Variants in FBXO46 observed in about 807,000 individuals in gnomAD.
FBXO46 encodes the protein F-box protein 46.
A neutral mutation model predicts 30.7 loss-of-function variants in FBXO46; 13 were observed. The ratio of observed to expected loss-of-function variants is 0.42; its 90% CI spans 0.28 to 0.67. The LOEUF (loss-of-function observed/expected upper bound fraction) is 0.67. Ranked by LOEUF, FBXO46 falls within the 30% of genes least tolerant of loss-of-function variation. FBXO46 has a pLI of 0.21. For missense variants in FBXO46, 754 were observed against 871.5 expected (o/e 0.87, Z 1.70); for synonymous variants, 467 against 385.8 (o/e 1.21, Z -2.47).
chr19:45,717,634 G>T (rs1172156373), intron 1 of FBXO46, among the ~76,000 whole-genome samples: 4 of 152,206 alleles, frequency 2.6e-5, no homozygotes, highest in African/African-American at 4.8e-5. Context: ...CACTCCAGGG[G>T]AGGCTTATTA....
intron 1 of FBXO46, among the ~76,000 whole-genome samples, chr19:45,727,854 T>C (rs58879121): frequency 1.2e-3 from 181 of 152,192 alleles, no homozygotes; most frequent in African/African-American, 4.2e-3. Flanking sequence ...TAGTTAGAAA[T>C]ATTTTCTCTT....
intron 1 of FBXO46, chr19:45,716,824 G>A (rs953109527): frequency 6.6e-6 from 1 of 152,188 alleles, no homozygotes; most frequent in Non-Finnish European, 1.5e-5. Context: ...CGGTCCCTAG[G>A]AAGCAGGTAG....
At chr19:45,728,350 G>T (rs1265721547) in intron 1 of FBXO46, among the ~76,000 whole-genome samples, 1 of 152,146 alleles carries the variant, frequency 6.6e-6, no homozygotes, top group Non-Finnish European at 1.5e-5. Context: ...CTTCCCTCTT[G>T]GTTCCTCTCT....
chr19:45,731,717 AG>A (rs1968316485), upstream of FBXO46, among the ~76,000 whole-genome samples: 1 of 152,124 alleles, frequency 6.6e-6, no homozygotes, highest in South Asian at 2.1e-4. Flanking sequence ...ATAGAATAGC[AG>A]CTCCACATCG....
At chr19:45,728,664 G>C (rs965405346) in intron 1 of FBXO46, among the ~76,000 whole-genome samples, 1 of 151,702 alleles carries the variant, frequency 6.6e-6, no homozygotes, top group South Asian at 2.1e-4. Flanking sequence ...AGTAAGACCC[G>C]CGTCTCTACA....
upstream of FBXO46, among the ~76,000 whole-genome samples, chr19:45,731,317 CTTT>C (rs58872737): frequency 6.9e-5 from 9 of 130,016 alleles, no homozygotes; most frequent in Non-Finnish European, 6.5e-5. Flanking sequence ...CCATCCCCTT[CTTT>C]TTTTTTTTTT....
In FBXO46 at chr19:45,712,320, A is replaced by G. The variant is rs772550636; in HGVS notation, c.1176T>C (p.Thr392=). Residue 392 remains threonine, a synonymous_variant, in exon 2 of 2, where the codon ACT becomes ACC. Transcript: ENST00000317683. The surrounding 1 kb of genome is among the most constrained non-coding windows in gnomAD (Gnocchi z 8.8). ...CCTCCGGGCTGACCGTCAGGCACAC[A>G]GTCTCCTCCTTCACGTTCTTGGTGC... The part of the protein sequence containing the change: ...KDGTKNVKEE[T]VCLTVSPEEP... 2 of 1,601,648 alleles carry G rather than the reference A, an allele frequency of 1.2e-6. No homozygotes were observed. The highest frequency in any genetic ancestry group is 1.7e-6 in the Non-Finnish European group (2 of 1,179,614).
chr19:45,732,851 C>G (rs1294931582), upstream of FBXO46, among the ~76,000 whole-genome samples: 1 of 151,962 alleles, frequency 6.6e-6, no homozygotes, highest in East Asian at 1.9e-4. Flanking sequence ...CTCGTCCTCC[C>G]AAGAAGGCCC....
chr19:45,726,873 C>A (rs998898087), intron 1 of FBXO46, among the ~76,000 whole-genome samples: 2 of 152,122 alleles, frequency 1.3e-5, no homozygotes, highest in Admixed American at 6.6e-5. Context: ...ATAATACACC[C>A]CAGGCATTTT....
chr19:45,723,653 C>T (rs1449974552), intron 1 of FBXO46, among the ~76,000 whole-genome samples: 1 of 151,844 alleles, frequency 6.6e-6, no homozygotes, highest in African/African-American at 2.4e-5. Context: ...GCCGCCAAGC[C>T]CAACTAATTC....
At chr19:45,722,102 T>A (rs1968180245) in intron 1 of FBXO46, among the ~76,000 whole-genome samples, 1 of 152,100 alleles carries the variant, frequency 6.6e-6, no homozygotes, top group Non-Finnish European at 1.5e-5. Context: ...ACAGGCATGA[T>A]GCACCGCGCC....
At chr19:45,720,360 G>A (rs760305425) in intron 1 of FBXO46, among the ~76,000 whole-genome samples, 19 of 152,246 alleles carry the variant, frequency 1.2e-4, no homozygotes, top group Non-Finnish European at 2.1e-4. Context: ...TCGAACTCCT[G>A]ACCTCAGGTG....
In FBXO46 at chr19:45,712,025, G is replaced by T; in HGVS notation, c.1471C>A (p.Arg491Ser). Reference sequence around the variant, plus strand: ...GTGCACTTGAGGGCGGCCAGCGCGCGCGTGGGCAGGAAGCTGAAGATCTTG... The same window carrying T: ...GTGCACTTGAGGGCGGCCAGCGCGCTCGTGGGCAGGAAGCTGAAGATCTTG... ...LVKIFSFLPT[R>S]ALAALKCTCH... The change falls in exon 2 of 2, where the codon CGC becomes AGC. Residue 491 changes from arginine (R) to serine (S), a missense_variant. Around this residue, in one of 5 missense-constraint regions of FBXO46, gnomAD observed 162 missense variants for 258.7 expected, o/e 0.63. Transcript: ENST00000317683. The surrounding 1 kb of genome is among the most constrained non-coding windows in gnomAD (Gnocchi z 8.8). 2 of 1,612,404 alleles carry T rather than the reference G, an allele frequency of 1.2e-6. No individual in the cohort carries two copies.
intron 1 of FBXO46, among the ~76,000 whole-genome samples, chr19:45,721,034 A>G (rs1360482087): frequency 1.3e-5 from 2 of 151,524 alleles, no homozygotes; most frequent in African/African-American, 4.8e-5. Flanking sequence ...AAGCGGGGAA[A>G]AAAACAACAG....
Position 45,711,290 on chromosome 19 carries a change from T to G in FBXO46, c.*394A>C. 2 of 434,192 alleles carry G rather than the reference T, an allele frequency of 4.6e-6. No individual in the cohort carries two copies. The highest frequency in any genetic ancestry group is 8.9e-6 in the Non-Finnish European group (2 of 225,436). 26.9% of individuals were successfully genotyped at this position (434,192 alleles called of 1,614,324 possible). On this transcript the variant is annotated 3_prime_UTR_variant, in exon 2 of 2. Coordinates refer to ENST00000317683, the MANE Select transcript of FBXO46 (RefSeq NM_001080469.2). The stretch of plus-strand genomic sequence containing the variant: ...AAATAACAGCTCCAGCGAGAAAGAA[T>G]TGGGGTGAGGGAGAGGATGGGGGCC...
intron 1 of FBXO46, among the ~76,000 whole-genome samples, chr19:45,730,242 T>C (rs1309415357): frequency 6.6e-6 from 1 of 152,090 alleles, no homozygotes; most frequent in African/African-American, 2.4e-5. Flanking sequence ...CGTATTATCC[T>C]ACAGTTCTGT....
rs567884955 is a variant in FBXO46, at chr19:45,713,699, G to A, written c.-78-126C>T. 2.2e-5 allele frequency: 11 copies of A among 495,796 alleles called. No individual in the cohort carries two copies. Among genetic ancestry groups the A allele is most frequent in the Admixed American group, 1.1e-4 (3 of 27,240 alleles). 30.7% of individuals were successfully genotyped at this position (495,796 alleles called of 1,614,324 possible). A position where few individuals can be genotyped will look rare whatever the true frequency, so the allele number is the denominator to read the frequency against. On this transcript the variant is annotated intron_variant, in intron 1 of 1. Transcript: ENST00000317683. The surrounding 1 kb of genome is among the most constrained non-coding windows in gnomAD (Gnocchi z 4.7). ...AACTCTATTCCTGGCTGGGCGCGGT[G>A]GCTCACGCCTGTAATCCCAGCACTT...
At chr19:45,726,787 G>A (rs972334573) in intron 1 of FBXO46, among the ~76,000 whole-genome samples, 8 of 152,106 alleles carry the variant, frequency 5.3e-5, no homozygotes, top group African/African-American at 1.2e-4. Flanking sequence ...TTATAAGCAT[G>A]AGCCACCTTG....
rs538446032 is a variant in FBXO46, at chr19:45,728,972, G to A, written c.-79+1877C>T. 1.2e-4 allele frequency among the ~76,000 whole-genome samples: 18 copies of A among 151,992 alleles called. No homozygotes were observed. In the South Asian group the frequency reaches 2.1e-3, roughly 18 times the overall value. ...ACTAAAAATACAAAATTAACCAGAC[G>A]TGGTGGCGCATGCCTGCAATCTCAG... On this transcript the variant is annotated intron_variant, in intron 1 of 1. Transcript: ENST00000317683.
Sources: allele counts gnomAD v4.1 joint callset (sites outside exome capture counted in the v4.1 genomes callset), GRCh38; gene constraint gnomAD v4.1.1; regional missense constraint gnomAD v4.1.1; non-coding constraint Gnocchi (gnomAD v3.1); transcripts MANE v1.5; gene names NCBI Gene and HGNC (gene_info 2026-07-23, HGNC 2026-07-21).